TMEM72: variants seen among roughly 807,000 people sequenced by gnomAD.
The protein encoded by TMEM72 is kidney-specific secretory protein of 37 kDa.
TMEM72 carries 9 observed loss-of-function variants against 16.3 expected under a neutral mutation model. That is an observed-to-expected ratio of 0.55 (90% CI 0.33 to 0.96). The LOEUF (loss-of-function observed/expected upper bound fraction) is 0.96, where lower values mean the gene tolerates loss of function less well. Among genes scored for constraint, TMEM72 ranks in the 40% least tolerant of loss-of-function variants. The probability of loss-of-function intolerance (pLI) is 0.03; values close to 1 mark genes in which losing one functional copy is unlikely to be tolerated. For synonymous variants in TMEM72, 160 were observed against 146.5 expected (o/e 1.09, Z -0.66); for missense variants, 324 against 337.8 (o/e 0.96, Z 0.32).
intron 1 of TMEM72, among the ~76,000 whole-genome samples, chr10:44,921,712 C>T (rs781480696): frequency 5.9e-5 from 9 of 152,206 alleles, no homozygotes; most frequent in Non-Finnish European, 1.2e-4. Flanking sequence ...GACACCAGCC[C>T]CACTGCCCTG....
intron 1 of TMEM72, among the ~76,000 whole-genome samples, chr10:44,913,606 G>T (rs1839970372): frequency 6.6e-6 from 1 of 152,180 alleles, no homozygotes; most frequent in Non-Finnish European, 1.5e-5. Context: ...AAATAGCCAT[G>T]AGCTCCCTTC....
chr10:44,925,500 C>G (rs757024406), intron 1 of TMEM72, among the ~76,000 whole-genome samples: 14 of 152,246 alleles, frequency 9.2e-5, no homozygotes, highest in Non-Finnish European at 1.8e-4. Flanking sequence ...AGGCCCAGGG[C>G]AGGAAGCACT....
Position 44,935,167 on chromosome 10 carries a change from G to A in TMEM72, c.*33G>A. On this transcript the variant is annotated 3_prime_UTR_variant, in exon 5 of 5. Coordinates refer to ENST00000389583, the MANE Select transcript of TMEM72 (RefSeq NM_001123376.3). ...CTCCAGCCTGGAGGACGCTCAGTGA[G>A]GGGTCTACCTAGCTCAATGGCCCTC... 1 of 1,536,894 alleles carries A rather than the reference G, an allele frequency of 6.5e-7. No individual in the cohort carries two copies. Among genetic ancestry groups the A allele is most frequent in the South Asian group, 1.3e-5 (1 of 78,886 alleles).
At chr10:44,922,058 T>C (rs977297036) in intron 1 of TMEM72, among the ~76,000 whole-genome samples, 3 of 152,206 alleles carry the variant, frequency 2.0e-5, no homozygotes, top group Non-Finnish European at 4.4e-5. Context: ...GCCTCCCTAA[T>C]TTTGAGCCCT....
chr10:44,913,080 T>C (rs921798722), intron 1 of TMEM72, among the ~76,000 whole-genome samples: 1 of 152,258 alleles, frequency 6.6e-6, no homozygotes, highest in Middle Eastern at 3.4e-3. Flanking sequence ...GTGGAGGCAC[T>C]GAGGGAGGAG....
chr10:44,927,882 A>G (rs749099099), intron 1 of TMEM72, 39 bp from the exon 2 acceptor site: 2 of 1,609,304 alleles, frequency 1.2e-6, no homozygotes, highest in Non-Finnish European at 1.7e-6. Context: ...TGTGGTGTAG[A>G]GCACCAGGCC....
intron 1 of TMEM72, among the ~76,000 whole-genome samples, chr10:44,922,137 GC>G (rs1355592431): frequency 6.6e-6 from 1 of 152,180 alleles, no homozygotes; most frequent in East Asian, 1.9e-4. Context: ...TTAACAGAGA[GC>G]CCCGCCTAAA....
At chr10:44,925,961 AC>A (rs1840181016) in intron 1 of TMEM72, among the ~76,000 whole-genome samples, 1 of 151,970 alleles carries the variant, frequency 6.6e-6, no homozygotes, top group Non-Finnish European at 1.5e-5. Context: ...ACACACTCAC[AC>A]ACATATATGC....
rs1410620167 is a variant in TMEM72 at position 44,933,683 on chromosome 10, T to C, written c.256T>C (p.Trp86Arg). 2.5e-6 allele frequency: 4 copies of C among 1,613,988 alleles called. No individual in the cohort carries two copies. Among genetic ancestry groups the C allele is most frequent in the African/African-American group, 1.3e-5 (1 of 74,936 alleles). ...LADRVREKAH[W>R]LGCFQKFLAY... ...AGACAGAGTAAGGGAGAAAGCCCAC[T>C]GGCTGGGCTGCTTCCAGAAGTTCCT... Residue 86 changes from tryptophan (W) to arginine (R), a missense_variant, in exon 4 of 5, where the codon TGG (tryptophan) becomes CGG (arginine). Coordinates refer to ENST00000389583, the MANE Select transcript of TMEM72 (RefSeq NM_001123376.3).
chr10:44,926,886 C>T lies in TMEM72; in HGVS notation c.71-1035C>T, dbSNP rs970479215. On this transcript the variant is annotated intron_variant, in intron 1 of 4. Transcript: ENST00000389583. ...CTAGAAGAGGCATTTCAGCATTGGA[C>T]GAAGGGCCCCCTTCAGCTTGAGACA... is the stretch of plus-strand genomic sequence containing the variant. 3.9e-5 allele frequency among the ~76,000 whole-genome samples: 6 copies of T among 151,998 alleles called. 1 individual carries two copies. The Middle Eastern group carries it at 0.014, about 347-fold the overall frequency.
rs146917826 is a variant in TMEM72 at position 44,921,157 on chromosome 10, A to T, written c.71-6764A>T. ...GGACAGAGACTGGAGGGAAGGAGCT[A>T]ACAAGATGAGAGAGGCCAGGCTTGT... is the stretch of plus-strand genomic sequence containing the variant. On this transcript the variant is annotated intron_variant, in intron 1 of 4. Coordinates refer to ENST00000389583, the MANE Select transcript of TMEM72 (RefSeq NM_001123376.3). Among the ~76,000 whole-genome samples the T allele has an allele frequency of 1.1e-3, 171 of 152,340 alleles. 1 individual carries two copies. Among genetic ancestry groups the T allele is most frequent in the South Asian group, 1.9e-3 (9 of 4,826 alleles).
At chr10:44,915,520 A>G (rs1840001006) in intron 1 of TMEM72, among the ~76,000 whole-genome samples, 1 of 151,976 alleles carries the variant, frequency 6.6e-6, no homozygotes, top group East Asian at 1.9e-4. Context: ...TCCACTCCTA[A>G]TCGTTATTTC....
intron 1 of TMEM72, among the ~76,000 whole-genome samples, chr10:44,927,568 A>T (rs1186332548): frequency 6.6e-6 from 1 of 152,230 alleles, no homozygotes; most frequent in African/African-American, 2.4e-5. Context: ...CTGAAGCCAG[A>T]CACACAGCAC....
At chr10:44,919,368 C>T (rs995779382) in intron 1 of TMEM72, among the ~76,000 whole-genome samples, 3 of 152,124 alleles carry the variant, frequency 2.0e-5, no homozygotes, top group Admixed American at 6.6e-5. Context: ...TCACAGATGA[C>T]GTTATCATCT....
In TMEM72 at chr10:44,935,495, GC is replaced by G. The variant is rs1379935148; in HGVS notation, c.*362del. 2.8e-5 allele frequency: 6 copies of G among 213,924 alleles called. No individual in the cohort carries two copies. Among genetic ancestry groups the G allele is most frequent in the Non-Finnish European group, 5.5e-5 (6 of 109,518 alleles). 13.3% of individuals were successfully genotyped at this position (213,924 alleles called of 1,614,324 possible). A position where few individuals can be genotyped will look rare whatever the true frequency, so the allele number is the denominator to read the frequency against. The stretch of plus-strand genomic sequence containing the variant: ...ATGTCTGCCCAGCAAAAGCCTCTGG[GC>G]TTTTCTTACTCCCAACCCAGGGCAC... On this transcript the variant is annotated 3_prime_UTR_variant, in exon 5 of 5. Coordinates refer to ENST00000389583, the MANE Select transcript of TMEM72 (RefSeq NM_001123376.3).
At position 44,934,755 on chromosome 10, in the gene TMEM72, C is replaced by T; in HGVS notation, c.449C>T (p.Thr150Ile). The T allele has an allele frequency of 3.7e-6, 6 of 1,613,626 alleles. No homozygotes were observed. The South Asian group carries it at 5.5e-5, about 15-fold the overall frequency. The change falls in exon 5 of 5, where the codon ACA becomes ATA. Residue 150 changes from threonine (T) to isoleucine (I), a missense_variant. Thr to Ile is a moderately conservative substitution (Grantham distance 89, BLOSUM62 -1). Coordinates refer to ENST00000389583, the MANE Select transcript of TMEM72 (RefSeq NM_001123376.3). ...PEVLASPEQY[T>I]DPSSSAVSTT... ...GTGCTGGCCTCCCCAGAGCAGTACA[C>T]AGACCCCTCTAGCAGCGCTGTGAGC...
At chr10:44,931,854 C>A in intron 2 of TMEM72, 144 bp from the exon 3 acceptor site, 1 of 793,942 alleles carries the variant, frequency 1.3e-6, no homozygotes, top group South Asian at 1.7e-5. Context: ...CTGGAGACAG[C>A]CCGTGGTGAA....
intron 1 of TMEM72, among the ~76,000 whole-genome samples, chr10:44,911,849 C>T (rs1308739621): frequency 6.6e-6 from 1 of 152,230 alleles, no homozygotes. Flanking sequence ...TCAAGATCCT[C>T]ATCTGCAAAA....
intron 1 of TMEM72, among the ~76,000 whole-genome samples, chr10:44,917,687 G>A (rs1226770879): frequency 1.3e-5 from 2 of 152,164 alleles, no homozygotes; most frequent in Admixed American, 1.3e-4. Context: ...TGAAGAAGGG[G>A]CTCAGGAAAC....
Sources: allele counts gnomAD v4.1 joint callset (sites outside exome capture counted in the v4.1 genomes callset), GRCh38; gene constraint gnomAD v4.1.1; transcripts MANE v1.5; gene names NCBI Gene and HGNC (gene_info 2026-07-23, HGNC 2026-07-21).